Variants in COMMD1 observed in about 807,000 individuals in gnomAD.
The protein encoded by COMMD1 is copper metabolism domain containing 1, also known as COMM domain-containing protein 1.
In COMMD1, 10 loss-of-function variants were observed where a neutral mutation model predicts 17.2. The observed-to-expected ratio is 0.58, with a 90% CI of 0.36 to 0.99. COMMD1 has a LOEUF of 0.99. Among genes scored for constraint, COMMD1 ranks in the 50% least tolerant of loss-of-function variants. The pLI is 0.01. For missense variants in COMMD1, 270 were observed against 231.8 expected, an observed-to-expected ratio of 1.17 and a Z score of -1.07; for synonymous variants, 97 against 91.6, an observed-to-expected ratio of 1.06 and a Z score of -0.34.
intron 1 of COMMD1, among the ~76,000 whole-genome samples, chr2:61,964,366 A>G (rs555508855): frequency 6.6e-6 from 1 of 152,234 alleles, no homozygotes; most frequent in East Asian, 1.9e-4. Flanking sequence ...GACTACAGGC[A>G]TGGAGCCACC....
chr2:62,073,399 C>T (rs13383046), intron 2 of COMMD1, among the ~76,000 whole-genome samples: 4,708 of 152,276 alleles, frequency 0.031, 106 homozygotes, highest in East Asian at 0.087. Context: ...TTGACCTCCA[C>T]CATCCTCTAA....
intron 2 of COMMD1, among the ~76,000 whole-genome samples, chr2:62,022,658 A>T (rs1669643311): frequency 6.6e-6 from 1 of 151,180 alleles, no homozygotes; most frequent in Non-Finnish European, 1.5e-5. Flanking sequence ...AATTGGAAAT[A>T]CTTCTGAATA....
upstream of COMMD1, among the ~76,000 whole-genome samples, chr2:61,904,263 G>A (rs527585753): frequency 1.3e-4 from 19 of 151,476 alleles, no homozygotes; most frequent in Non-Finnish European, 2.4e-4. Context: ...CGTCTGCCTC[G>A]GCCTTCCAAA....
chr2:62,109,821 AATT>A (rs1672407427), intron 2 of COMMD1, among the ~76,000 whole-genome samples: 1 of 151,650 alleles, frequency 6.6e-6, no homozygotes, highest in African/African-American at 2.4e-5. Context: ...CTCTATCTGT[AATT>A]TATTCAGTTG....
At chr2:61,919,706 A>G (rs917048339) in intron 1 of COMMD1, among the ~76,000 whole-genome samples, 2 of 152,136 alleles carry the variant, frequency 1.3e-5, no homozygotes, top group African/African-American at 4.8e-5. Flanking sequence ...AAATGCCTTT[A>G]TAACAGAGAA....
intron 2 of COMMD1, among the ~76,000 whole-genome samples, chr2:62,112,982 A>G (rs1377491956): frequency 6.6e-6 from 1 of 152,206 alleles, no homozygotes; most frequent in Non-Finnish European, 1.5e-5. Flanking sequence ...TTTAAGCATT[A>G]TATTAAGATC....
At chr2:61,937,997 A>G (rs918961349) in intron 1 of COMMD1, among the ~76,000 whole-genome samples, 1 of 152,088 alleles carries the variant, frequency 6.6e-6, no homozygotes, top group African/African-American at 2.4e-5. Context: ...GGATGCCTGT[A>G]TAGTCTTAGT....
intron 2 of COMMD1, among the ~76,000 whole-genome samples, chr2:62,016,149 A>G (rs1669438783): frequency 6.6e-6 from 1 of 150,830 alleles, no homozygotes; most frequent in South Asian, 2.1e-4. Context: ...GCCCATTTTC[A>G]AAAATCTTTT....
intron 1 of COMMD1, among the ~76,000 whole-genome samples, chr2:61,940,643 A>G (rs1292109411): frequency 3.9e-5 from 6 of 152,136 alleles, no homozygotes; most frequent in Admixed American, 3.9e-4. Context: ...TCTAGGGCAA[A>G]TAGTGAATAA....
At chr2:61,938,098 C>T (rs1670648039) in intron 1 of COMMD1, among the ~76,000 whole-genome samples, 1 of 152,128 alleles carries the variant, frequency 6.6e-6, no homozygotes, top group Admixed American at 6.5e-5. Context: ...GGGCTCTCCT[C>T]TACCAACTAG....
intron 1 of COMMD1, among the ~76,000 whole-genome samples, chr2:61,963,572 G>C (rs984687581): frequency 2.6e-5 from 4 of 152,110 alleles, no homozygotes; most frequent in African/African-American, 7.2e-5. Flanking sequence ...TTGAACTCCT[G>C]ACCTCAGGTG....
At chr2:62,105,256 CTA>C (rs920621670) in intron 2 of COMMD1, among the ~76,000 whole-genome samples, 2 of 152,022 alleles carry the variant, frequency 1.3e-5, no homozygotes, top group Admixed American at 1.3e-4. Flanking sequence ...TAATTGCTTG[CTA>C]TGAGTTTTAA....
At chr2:62,069,363 A>T (rs1671138017) in intron 2 of COMMD1, 1 of 152,332 alleles carries the variant, frequency 6.6e-6, no homozygotes, top group South Asian at 2.1e-4. Flanking sequence ...GGAAAGAGGC[A>T]AATATGGGAG....
chr2:61,965,522 C>T (rs564823552), intron 1 of COMMD1, among the ~76,000 whole-genome samples: 1 of 152,292 alleles, frequency 6.6e-6, no homozygotes, highest in East Asian at 1.9e-4. Flanking sequence ...GTATCCTCAG[C>T]ATGGTATAGG....
intron 2 of COMMD1, among the ~76,000 whole-genome samples, chr2:62,102,860 G>A (rs964621552): frequency 6.6e-6 from 1 of 152,226 alleles, no homozygotes; most frequent in African/African-American, 2.4e-5. Context: ...AGGAATGCAT[G>A]CTCAGAGAGG....
chr2:62,083,797 T>G (rs1331048933), intron 2 of COMMD1, among the ~76,000 whole-genome samples: 2 of 152,236 alleles, frequency 1.3e-5, no homozygotes, highest in Non-Finnish European at 2.9e-5. Context: ...CTCAAGTGTA[T>G]AGTATAAGGG....
At chr2:61,997,325 T>G (rs1483079212) in intron 1 of COMMD1, among the ~76,000 whole-genome samples, 3 of 151,768 alleles carry the variant, frequency 2.0e-5, no homozygotes, top group African/African-American at 7.3e-5. Flanking sequence ...GCCTCCCAAG[T>G]GCTGAGATTA....
intron 2 of COMMD1, among the ~76,000 whole-genome samples, chr2:62,057,507 T>A (rs571318270): frequency 6.6e-6 from 1 of 152,324 alleles, no homozygotes; most frequent in South Asian, 2.1e-4. Flanking sequence ...GCTTTTCTCT[T>A]TGAGTACTGT....
chr2:62,067,050 A>G (rs553656846), intron 2 of COMMD1, among the ~76,000 whole-genome samples: 3 of 152,068 alleles, frequency 2.0e-5, no homozygotes, highest in South Asian at 2.1e-4. Context: ...TTGATGGGCT[A>G]TTTGTTATTG....
Sources: allele counts gnomAD v4.1 joint callset (sites outside exome capture counted in the v4.1 genomes callset), GRCh38; gene constraint gnomAD v4.1.1; transcripts MANE v1.5; gene names NCBI Gene and HGNC (gene_info 2026-07-23, HGNC 2026-07-21).